The following DPYD variants were observed in gnomAD, a reference collection of about 807,000 sequenced individuals.
DPYD encodes the protein dihydropyrimidine dehydrogenase [NADP(+)].
DPYD carries 109 observed loss-of-function variants against 116.2 expected under a neutral mutation model. The ratio of observed to expected loss-of-function variants is 0.94; its 90% confidence interval spans 0.80 to 1.10. The LOEUF is 1.10. Among genes scored for constraint, DPYD ranks in the 50% least tolerant of loss-of-function variants. DPYD has a pLI of 0.00. For missense variants in DPYD, 1,302 were observed against 1,254.5 expected (o/e 1.04, Z -0.57); for synonymous variants, 440 against 432.0 (o/e 1.02, Z -0.23).
chr1:97,286,437 T>C (rs971688417), intron 18 of DPYD, among the ~76,000 whole-genome samples: 2 of 152,152 alleles, frequency 1.3e-5, no homozygotes, highest in African/African-American at 4.8e-5. Flanking sequence ...TGTGGCGTTC[T>C]CTGTATTTCC....
chr1:97,225,409 C>G (rs181417392), intron 19 of DPYD, among the ~76,000 whole-genome samples: 241 of 152,028 alleles, frequency 1.6e-3, no homozygotes, highest in African/African-American at 5.7e-3. Flanking sequence ...CCATTATTTA[C>G]TCAGGTTCTT....
intron 12 of DPYD, among the ~76,000 whole-genome samples, chr1:97,533,802 T>C (rs1190769896): frequency 6.6e-6 from 1 of 152,072 alleles, no homozygotes; most frequent in African/African-American, 2.4e-5. Context: ...GAGGATAGAG[T>C]GTGAAGAGAA....
At chr1:97,207,107 A>G (rs901488405) in intron 19 of DPYD, among the ~76,000 whole-genome samples, 1 of 152,250 alleles carries the variant, frequency 6.6e-6, no homozygotes, top group African/African-American at 2.4e-5. Context: ...TTTGCCTGGC[A>G]TATGACTTAT....
chr1:97,247,953 C>A (rs559727326), intron 18 of DPYD, among the ~76,000 whole-genome samples: 11 of 152,174 alleles, frequency 7.2e-5, no homozygotes, highest in African/African-American at 1.9e-4. Context: ...TAATACCGAT[C>A]TTACACAAAC....
chr1:97,083,481 CTG>C (rs1395221649), intron 21 of DPYD, among the ~76,000 whole-genome samples: 4 of 152,088 alleles, frequency 2.6e-5, no homozygotes, highest in African/African-American at 7.2e-5. Context: ...GAATTTCAAA[CTG>C]AGACAAAGTT....
intron 18 of DPYD, among the ~76,000 whole-genome samples, chr1:97,251,391 TAAAAAAAA>T (rs10581072): frequency 1.0e-5 from 1 of 95,360 alleles, no homozygotes; most frequent in East Asian, 3.4e-4. Flanking sequence ...AAACTCTGTC[TAAAAAAAA>T]AAAAAAAAAA....
At chr1:97,140,449 A>T (rs1004203588) in intron 20 of DPYD, among the ~76,000 whole-genome samples, 6 of 152,270 alleles carry the variant, frequency 3.9e-5, no homozygotes, top group African/African-American at 1.4e-4. Flanking sequence ...GGGAGACAGA[A>T]TGGGAGGCTC....
intron 8 of DPYD, among the ~76,000 whole-genome samples, chr1:97,617,963 G>A (rs1400236865): frequency 6.6e-6 from 1 of 152,074 alleles, no homozygotes; most frequent in East Asian, 1.9e-4. Context: ...TTGCCACTTG[G>A]GTCCCCAAAA....
chr1:97,458,394 T>A (rs2101815893), intron 13 of DPYD, among the ~76,000 whole-genome samples: 1 of 152,260 alleles, frequency 6.6e-6, no homozygotes, highest in Non-Finnish European at 1.5e-5. Context: ...ATAAACCTAC[T>A]GGACAGGATA....
chr1:97,653,601 C>A (rs1352530872), intron 8 of DPYD, among the ~76,000 whole-genome samples: 1 of 152,138 alleles, frequency 6.6e-6, no homozygotes, highest in East Asian at 1.9e-4. Flanking sequence ...CCACGCCCAG[C>A]CAAAATGTCA....
At chr1:97,892,378 A>G (rs1672823413) in intron 1 of DPYD, among the ~76,000 whole-genome samples, 1 of 151,760 alleles carries the variant, frequency 6.6e-6, no homozygotes, top group Non-Finnish European at 1.5e-5. Flanking sequence ...ACGCTTCTCC[A>G]TGTCTCTCAT....
chr1:97,706,214 T>C (rs1046498402), intron 5 of DPYD, among the ~76,000 whole-genome samples: 4 of 152,084 alleles, frequency 2.6e-5, no homozygotes, highest in Non-Finnish European at 4.4e-5. Flanking sequence ...CTGGTTATTA[T>C]AATTAATAAA....
At chr1:97,536,086 G>A (rs1442818452) in intron 12 of DPYD, among the ~76,000 whole-genome samples, 2 of 152,194 alleles carry the variant, frequency 1.3e-5, no homozygotes, top group South Asian at 2.1e-4. Context: ...TTGCCATTGC[G>A]AGAGATAAAG....
At chr1:97,733,000 G>T (rs1663718156) in intron 4 of DPYD, among the ~76,000 whole-genome samples, 1 of 151,904 alleles carries the variant, frequency 6.6e-6, no homozygotes, top group Non-Finnish European at 1.5e-5. Context: ...ACACAGCAAA[G>T]AAATTAAAAC....
chr1:97,105,873 T>G (rs565018696), intron 20 of DPYD, among the ~76,000 whole-genome samples: 23 of 152,154 alleles, frequency 1.5e-4, no homozygotes, highest in Non-Finnish European at 2.6e-4. Flanking sequence ...TGCCTAGTTG[T>G]AGGAGGAGAA....
At chr1:97,599,673 G>A (rs1655122949) in intron 8 of DPYD, among the ~76,000 whole-genome samples, 1 of 151,332 alleles carries the variant, frequency 6.6e-6, no homozygotes, top group Admixed American at 6.6e-5. Flanking sequence ...GAAGAAGATA[G>A]CACAGACCAC....
intron 20 of DPYD, among the ~76,000 whole-genome samples, chr1:97,162,141 C>T (rs192800782): frequency 3.3e-5 from 5 of 151,792 alleles, no homozygotes; most frequent in East Asian, 3.9e-4. Context: ...CCTGAGGAAT[C>T]GCCACACTGA....
intron 14 of DPYD, among the ~76,000 whole-genome samples, chr1:97,391,218 G>A (rs972078466): frequency 6.6e-6 from 1 of 151,742 alleles, no homozygotes; most frequent in African/African-American, 2.4e-5. Flanking sequence ...AGAAAATCTC[G>A]AAAGTGTATA....
intron 2 of DPYD, among the ~76,000 whole-genome samples, chr1:97,870,426 C>CA (rs1485252690): frequency 3.3e-5 from 5 of 151,672 alleles, no homozygotes; most frequent in African/African-American, 1.2e-4. Flanking sequence ...TTTCAAAATT[C>CA]ATAAACTTCA....
Sources: allele counts gnomAD v4.1 joint callset (sites outside exome capture counted in the v4.1 genomes callset), GRCh38; gene constraint gnomAD v4.1.1; transcripts MANE v1.5; gene names NCBI Gene and HGNC (gene_info 2026-07-23, HGNC 2026-07-21).